Variants in ITGB3 observed in about 807,000 individuals in gnomAD.
The protein encoded by ITGB3 is integrin subunit beta 3, also known as integrin beta-3.
A neutral mutation model predicts 85.8 loss-of-function variants in ITGB3; 48 were observed. That is an observed-to-expected ratio of 0.56 (90% confidence interval 0.44 to 0.71). ITGB3 has a LOEUF of 0.71. ITGB3 is among the 30% of genes least tolerant of loss of function. ITGB3 has a pLI of 0.00. For missense variants in ITGB3, 861 were observed against 1,019.1 expected (o/e 0.84, Z 2.11); for synonymous variants, 363 against 395.6 (o/e 0.92, Z 0.98).
At position 47,283,406 on chromosome 17, in the gene ITGB3, A is replaced by AT; in HGVS notation, c.219dup (p.Asn74Ter). On this transcript the variant is annotated frameshift_variant, in exon 3 of 15. Coordinates refer to ENST00000559488, the MANE Select transcript of ITGB3 (RefSeq NM_000212.3). LOFTEE classifies it high-confidence loss of function. ...GACCTGAAGGAGAATCTGCTGAAGG[A>AT]TAACTGTGCCCCAGAATCCATCGAG... 6.2e-7 allele frequency: 1 copy of AT among 1,614,208 alleles called. No individual in the cohort carries two copies. Among genetic ancestry groups the AT allele is most frequent in the East Asian group, 2.2e-5 (1 of 44,886 alleles).
chr17:47,302,615 G>A (rs2065171385), intron 12 of ITGB3, 106 bp from the exon 13 acceptor site: 5 of 1,375,072 alleles, frequency 3.6e-6, no homozygotes, highest in Non-Finnish European at 5.2e-6. Flanking sequence ...GAGGCACAGG[G>A]TTTCCTGTCA....
chr17:47,291,181 C>T, intron 9 of ITGB3, 93 bp downstream of exon 9: 2 of 1,468,686 alleles, frequency 1.4e-6, no homozygotes, highest in South Asian at 1.1e-5. Flanking sequence ...TGGCCCCCTT[C>T]CACCAGAAAA....
chr17:47,308,160 A>AAATAATAATAATAATAAT (rs200038305), intron 14 of ITGB3, among the ~76,000 whole-genome samples: 35,254 of 138,150 alleles, frequency 0.26, 4,764 homozygotes, highest in Non-Finnish European at 0.29. Context: ...TCGGTCTCAA[A>AAATAATAATAATAATAAT]AATAATAATA....
chr17:47,274,180 C>T (rs2065054766), intron 1 of ITGB3, among the ~76,000 whole-genome samples: 1 of 152,230 alleles, frequency 6.6e-6, no homozygotes, highest in Non-Finnish European at 1.5e-5. Flanking sequence ...TGCCCTGTCA[C>T]TTGTTACCAC....
Position 47,307,617 on chromosome 17 carries a change from G to A in ITGB3, c.2281G>A (p.Ala761Thr), listed in dbSNP as rs767661092. The A allele has an allele frequency of 5.6e-6, 9 of 1,614,052 alleles. No homozygotes were observed. The highest frequency in any genetic ancestry group is 1.7e-5 in the Admixed American group (1 of 59,988). The change falls in exon 14 of 15, where the codon GCC becomes ACC. Residue 761 changes from alanine (A) to threonine (T), a missense_variant. Ala to Thr is a moderately conservative substitution (Grantham distance 58). Coordinates refer to ENST00000559488, the MANE Select transcript of ITGB3 (RefSeq NM_000212.3). ...KEFAKFEEERARAKWDTANNP... is the reference protein window; with the variant it reads ...KEFAKFEEERTRAKWDTANNP... ...ATTCGCTAAATTTGAGGAAGAACGC[G>A]CCAGAGCAAAATGGGACACAGTAAG...
At chr17:47,254,018 G>A in intron 1 of ITGB3, 78 bp downstream of exon 1, 3 of 976,466 alleles carry the variant, frequency 3.1e-6, no homozygotes, top group South Asian at 2.2e-5. Flanking sequence ...CTTGGAGCCG[G>A]CAAACGCGGA....
intron 1 of ITGB3, among the ~76,000 whole-genome samples, chr17:47,257,136 T>C (rs1182385291): frequency 6.6e-6 from 1 of 152,240 alleles, no homozygotes; most frequent in African/African-American, 2.4e-5. Flanking sequence ...ACAACTACTA[T>C]TGTCATTATT....
At chr17:47,305,240 CT>C (rs1811706494) in intron 13 of ITGB3, among the ~76,000 whole-genome samples, 1 of 152,212 alleles carries the variant, frequency 6.6e-6, no homozygotes, top group Admixed American at 6.5e-5. Flanking sequence ...GCCCTTCACT[CT>C]TGGGAACTTG....
At chr17:47,280,036 A>G (rs1300552453) in intron 2 of ITGB3, 1 of 152,214 alleles carries the variant, frequency 6.6e-6, no homozygotes, top group African/African-American at 2.4e-5. Flanking sequence ...GGAGACTTTC[A>G]TCTTCCTCAG....
Position 47,311,549 on chromosome 17 carries a change from C to T in ITGB3, c.*1345C>T, listed in dbSNP as rs1331218180. The T allele has an allele frequency of 1.3e-5, 2 of 152,204 alleles. No homozygotes were observed. Among genetic ancestry groups the T allele is most frequent in the Admixed American group, 6.5e-5 (1 of 15,286 alleles). 9.4% of individuals were successfully genotyped at this position (152,204 alleles called of 1,614,324 possible). A position where few individuals can be genotyped will look rare whatever the true frequency, so the allele number is the denominator to read the frequency against. On this transcript the variant is annotated 3_prime_UTR_variant, in exon 15 of 15. Coordinates refer to ENST00000559488, the MANE Select transcript of ITGB3 (RefSeq NM_000212.3). The stretch of plus-strand genomic sequence containing the variant: ...CAAAGAAGGAGAGCATAGGAAACCA[C>T]ACAGACTTGGGCAGGGTACAGACAC...
chr17:47,283,652 A>G, intron 3 of ITGB3, 103 bp downstream of exon 3: 3 of 1,127,250 alleles, frequency 2.7e-6, no homozygotes, highest in Non-Finnish European at 4.0e-6. Flanking sequence ...TCAGAATGGA[A>G]ATGGGGTGGG....
Position 47,288,162 on chromosome 17 carries a change from A to G in ITGB3, c.939+931A>G, listed in dbSNP as rs1204213655. Among the ~76,000 whole-genome samples the G allele has an allele frequency of 4.6e-5, 7 of 151,342 alleles. No homozygotes were observed. In the East Asian group the frequency reaches 1.4e-3, roughly 29 times the overall value. ...TTAAGCCTCCCAAAGTGCTGGGATT[A>G]CAGGTGTGAGCCATTGCTCCTAGTG... On this transcript the variant is annotated intron_variant, in intron 6 of 14. Coordinates refer to ENST00000559488, the MANE Select transcript of ITGB3 (RefSeq NM_000212.3).
chr17:47,292,065 CT>C (rs35828165), intron 9 of ITGB3, 73 bp from the exon 10 acceptor site: 178 of 1,512,294 alleles, frequency 1.2e-4, no homozygotes, highest in Middle Eastern at 1.7e-4. Context: ...CAGGGAACAA[CT>C]TTTTTTTTCC....
chr17:47,275,217 T>A (rs1163894840), intron 2 of ITGB3, among the ~76,000 whole-genome samples: 1 of 152,112 alleles, frequency 6.6e-6, no homozygotes, highest in Non-Finnish European at 1.5e-5. Flanking sequence ...TCCTTCCTTC[T>A]CACAGGTGTT....
chr17:47,306,080 G>C (rs2065186813), intron 13 of ITGB3, among the ~76,000 whole-genome samples: 1 of 152,136 alleles, frequency 6.6e-6, no homozygotes, highest in Non-Finnish European at 1.5e-5. Flanking sequence ...CAAACCCAGG[G>C]AGTCTGGCTG....
At position 47,290,290 on chromosome 17, in the gene ITGB3, T is replaced by A; in HGVS notation, c.1125+16T>A. On this transcript the variant is annotated intron_variant, in intron 8 of 14. Transcript: ENST00000559488. ...TGCTTATGGGGTAAGTGTCTTGTGC[T>A]GGGAATAGTCCCGCGGAGAGTCCAC... is the stretch of plus-strand genomic sequence containing the variant. 6.2e-7 allele frequency: 1 copy of A among 1,605,568 alleles called. No homozygotes were observed.
chr17:47,295,766 G>C (rs1946170340), intron 10 of ITGB3, among the ~76,000 whole-genome samples: 1 of 133,584 alleles, frequency 7.5e-6, no homozygotes. Flanking sequence ...GTAGTGAAAG[G>C]CCGGGGGGCG....
Position 47,310,172 on chromosome 17 carries a change from A to G in ITGB3, c.2335A>G (p.Thr779Ala), listed in dbSNP as rs142369738. The change falls in exon 15 of 15, where the codon ACC becomes GCC. Residue 779 changes from threonine to alanine, a missense_variant. Transcript: ENST00000559488. Reference sequence around the variant, plus strand: ...CCCACTGTATAAAGAGGCCACGTCTACCTTCACCAATATCACGTACCGGGG... The same window carrying G: ...CCCACTGTATAAAGAGGCCACGTCTGCCTTCACCAATATCACGTACCGGGG... ...NNPLYKEATS[T>A]FTNITYRGT 8.7e-6 allele frequency: 14 copies of G among 1,614,066 alleles called. No homozygotes were observed. The highest frequency in any genetic ancestry group is 2.2e-5 in the East Asian group (1 of 44,866).
chr17:47,295,499 G>A, intron 10 of ITGB3, among the ~76,000 whole-genome samples: 1 of 152,134 alleles, frequency 6.6e-6, no homozygotes, highest in East Asian at 1.9e-4. Context: ...TGCCAGTCCT[G>A]TGACATTACC....
Sources: gnomAD v4.1 joint callset for allele counts (sites outside exome capture counted in the v4.1 genomes callset) on GRCh38, gnomAD v4.1.1 for gene constraint, MANE v1.5 for transcripts, NCBI Gene and HGNC (gene_info 2026-07-23, HGNC 2026-07-21) for gene names.